The following NEBL variants were observed in gnomAD, a reference collection of about 807,000 sequenced individuals.
NEBL encodes the protein LIM and SH3 protein 2.
Under a neutral mutation model 140.2 loss-of-function variants are expected in NEBL, and 122 were observed. The observed-to-expected ratio is 0.87, with a 90% CI of 0.75 to 1.01. NEBL has a LOEUF of 1.01. NEBL is among the 50% of genes least tolerant of loss of function. The probability of loss-of-function intolerance (pLI) is 0.00; values close to 1 mark genes in which losing one functional copy is unlikely to be tolerated. For synonymous variants in NEBL, 436 were observed against 398.9 expected (o/e 1.09, Z -1.11); for missense variants, 1,365 against 1,231.3 (o/e 1.11, Z -1.62).
chr10:20,857,601 C>G (rs184913143), intron 9 of NEBL, among the ~76,000 whole-genome samples: 1 of 152,096 alleles, frequency 6.6e-6, no homozygotes, highest in Non-Finnish European at 1.5e-5. Context: ...CGAGAGCTAG[C>G]GAAGTCAGGG....
At chr10:20,828,735 TA>T in intron 16 of NEBL, 101 bp from the exon 17 acceptor site, 2 of 756,078 alleles carry the variant, frequency 2.6e-6, no homozygotes, top group Non-Finnish European at 4.5e-6. Flanking sequence ...AGAGAGAGAG[TA>T]AAAAACTGTT....
intron 4 of NEBL, among the ~76,000 whole-genome samples, chr10:20,931,521 T>C (rs979654898): frequency 3.3e-5 from 5 of 152,120 alleles, no homozygotes; most frequent in African/African-American, 9.7e-5. Context: ...AGTCAGTAGA[T>C]CATCAAGGAA....
At chr10:20,964,220 G>C (rs898732556) in intron 3 of NEBL, among the ~76,000 whole-genome samples, 5 of 151,560 alleles carry the variant, frequency 3.3e-5, no homozygotes, top group African/African-American at 1.2e-4. Flanking sequence ...GATAGATCTC[G>C]GGAGGGCCAC....
At chr10:21,006,017 A>T (rs1838124383) in intron 3 of NEBL, among the ~76,000 whole-genome samples, 1 of 152,178 alleles carries the variant, frequency 6.6e-6, no homozygotes, top group Non-Finnish European at 1.5e-5. Context: ...AGGCACACAC[A>T]GAGGGTTTGG....
intron 2 of NEBL, among the ~76,000 whole-genome samples, chr10:21,068,582 AGAGG>A (rs1465549317): frequency 1.3e-5 from 2 of 152,196 alleles, no homozygotes; most frequent in Non-Finnish European, 2.9e-5. Flanking sequence ...AGAAGAGCTA[AGAGG>A]GAGAGGAGGT....
At chr10:20,791,882 T>G (rs1291449023) in intron 26 of NEBL, among the ~76,000 whole-genome samples, 1 of 152,212 alleles carries the variant, frequency 6.6e-6, no homozygotes, top group African/African-American at 2.4e-5. Context: ...TAAGTGTCCT[T>G]GGTGTTCATG....
Position 21,169,307 on chromosome 10 carries a change from T to C in NEBL, c.164+3076A>G, listed in dbSNP as rs1840975937. On this transcript the variant is annotated intron_variant, in intron 2 of 6. Transcript: ENST00000417816. ...TTAAGCATGTATATACATTGACTCC[T>C]GAACCAAACCAGGTACAGATAAAAT... 2.0e-5 allele frequency among the ~76,000 whole-genome samples: 3 copies of C among 151,850 alleles called. No individual in the cohort carries two copies. In the South Asian group the frequency reaches 6.2e-4, roughly 32 times the overall value.
At chr10:21,092,277 A>C (rs1836957372) in intron 2 of NEBL, among the ~76,000 whole-genome samples, 1 of 152,206 alleles carries the variant, frequency 6.6e-6, no homozygotes, top group South Asian at 2.1e-4. Flanking sequence ...AGTCAAGAGA[A>C]AGCACCAGCT....
At chr10:20,912,881 C>CTTT (rs397847147) in intron 4 of NEBL, among the ~76,000 whole-genome samples, 12,181 of 117,670 alleles carry the variant, frequency 0.1, 699 homozygotes, top group African/African-American at 0.13. Flanking sequence ...TATGCCAATT[C>CTTT]TTTTTTTTTT....
intron 3 of NEBL, among the ~76,000 whole-genome samples, chr10:21,232,469 C>T (rs1842279096): frequency 6.6e-6 from 1 of 152,190 alleles, no homozygotes; most frequent in African/African-American, 2.4e-5. Context: ...AATTGTACAA[C>T]TCACCATAAT....
intron 3 of NEBL, among the ~76,000 whole-genome samples, chr10:21,180,422 T>C (rs1218198008): frequency 6.6e-6 from 1 of 152,162 alleles, no homozygotes; most frequent in African/African-American, 2.4e-5. Context: ...TAAAACAAAG[T>C]GGGTAAAATT....
At chr10:20,954,985 T>C (rs1835715887) in intron 4 of NEBL, among the ~76,000 whole-genome samples, 1 of 152,192 alleles carries the variant, frequency 6.6e-6, no homozygotes, top group Admixed American at 6.5e-5. Context: ...GATTTTACAT[T>C]TTATCCTAAA....
At chr10:21,105,362 G>A (rs919754406) in intron 2 of NEBL, among the ~76,000 whole-genome samples, 1 of 151,678 alleles carries the variant, frequency 6.6e-6, no homozygotes, top group Non-Finnish European at 1.5e-5. Flanking sequence ...ACAGGCCCCA[G>A]TGTGTGATGT....
intron 3 of NEBL, among the ~76,000 whole-genome samples, chr10:21,213,091 C>T (rs886394813): frequency 1.3e-5 from 2 of 152,124 alleles, no homozygotes; most frequent in African/African-American, 4.8e-5. Flanking sequence ...TCTCATCTCA[C>T]TTTATCTCAC....
chr10:21,287,196 T>C (rs559733451), intron 1 of NEBL, among the ~76,000 whole-genome samples: 42 of 152,006 alleles, frequency 2.8e-4, no homozygotes, highest in Non-Finnish European at 4.9e-4. Context: ...CAGGAAGTCA[T>C]GAGAACTCCC....
intron 2 of NEBL, chr10:21,029,936 C>A: frequency 1.7e-6 from 1 of 579,046 alleles, no homozygotes; most frequent in South Asian, 1.8e-5. Flanking sequence ...TCGTGCAGCT[C>A]CAGAGATGAT....
intron 2 of NEBL, chr10:21,030,492 C>G: frequency 1.3e-6 from 1 of 794,678 alleles, no homozygotes; most frequent in Admixed American, 1.8e-5. Flanking sequence ...GTAATGCCAG[C>G]CCCTCCACCA....
At chr10:20,953,850 C>A (rs548318468) in intron 4 of NEBL, among the ~76,000 whole-genome samples, 2 of 151,882 alleles carry the variant, frequency 1.3e-5, no homozygotes, top group African/African-American at 4.8e-5. Flanking sequence ...TTACCTCATT[C>A]GTTTATTCCA....
chr10:21,207,314 G>A (rs1336555302), intron 3 of NEBL, among the ~76,000 whole-genome samples: 1 of 152,070 alleles, frequency 6.6e-6, no homozygotes, highest in East Asian at 1.9e-4. Context: ...CTATCTATAG[G>A]AATGATGGGG....
Sources: gnomAD v4.1 joint callset for allele counts (sites outside exome capture counted in the v4.1 genomes callset) on GRCh38, gnomAD v4.1.1 for gene constraint, MANE v1.5 for transcripts, NCBI Gene and HGNC (gene_info 2026-07-23, HGNC 2026-07-21) for gene names.